Variants in RPA1 observed in about 807,000 individuals in gnomAD.
RPA1 encodes replication protein A 70 kDa DNA-binding subunit.
A neutral mutation model predicts 83.0 loss-of-function variants in RPA1; 49 were observed. The observed-to-expected ratio is 0.59, with a 90% confidence interval of 0.47 to 0.75. The LOEUF (loss-of-function observed/expected upper bound fraction) is 0.75, where lower values mean the gene tolerates loss of function less well. Among genes scored for constraint, RPA1 ranks in the 30% least tolerant of loss-of-function variants. The probability of loss-of-function intolerance (pLI) is 0.00; values close to 1 mark genes in which losing one functional copy is unlikely to be tolerated. For synonymous variants in RPA1, 279 were observed against 281.8 expected (o/e 0.99, Z 0.10); for missense variants, 693 against 776.1 (o/e 0.89, Z 1.27).
chr17:1,894,922 T>G, intron 15 of RPA1, 87 bp from the exon 16 acceptor site: 1 of 1,047,994 alleles, frequency 9.5e-7, no homozygotes, highest in Non-Finnish European at 1.4e-6. Context: ...AGGAGATGCA[T>G]TTTCAGAAGT....
chr17:1,875,138 C>T (rs34984518), intron 6 of RPA1, among the ~76,000 whole-genome samples: 2 of 152,206 alleles, frequency 1.3e-5, no homozygotes, highest in African/African-American at 4.8e-5. Flanking sequence ...GAAACTCATT[C>T]TTACAGACTT....
intron 5 of RPA1, among the ~76,000 whole-genome samples, chr17:1,862,974 T>C (rs1913041173): frequency 6.6e-6 from 1 of 151,916 alleles, no homozygotes; most frequent in Admixed American, 6.6e-5. Context: ...TGCCTCAGCC[T>C]CCCAAAGTGT....
At chr17:1,897,004 G>A (rs929130182) in intron 16 of RPA1, 67 bp from the exon 17 acceptor site, 4 of 1,372,148 alleles carry the variant, frequency 2.9e-6, no homozygotes, top group South Asian at 1.2e-5. Flanking sequence ...AACCACTGAA[G>A]CAAAAGGGGT....
chr17:1,875,551 A>G, intron 6 of RPA1, 110 bp from the exon 7 acceptor site: 1 of 1,162,684 alleles, frequency 8.6e-7, no homozygotes, highest in Non-Finnish European at 1.2e-6. Context: ...CTCTCATGTT[A>G]TATGATTTCA....
chr17:1,872,101 G>T, intron 5 of RPA1: 1 of 303,790 alleles, frequency 3.3e-6, no homozygotes, highest in South Asian at 4.4e-5. Flanking sequence ...TGGAAATAGT[G>T]GTAATGTCAC....
chr17:1,847,986 G>A (rs937161216), intron 4 of RPA1, among the ~76,000 whole-genome samples: 6 of 150,606 alleles, frequency 4.0e-5, no homozygotes. Flanking sequence ...CTCCAGCCTC[G>A]GTTACAGAGC....
intron 5 of RPA1, among the ~76,000 whole-genome samples, chr17:1,853,390 G>A (rs1297405796): frequency 6.6e-6 from 1 of 152,096 alleles, no homozygotes; most frequent in Non-Finnish European, 1.5e-5. Context: ...AGAAAGCAAT[G>A]GACAAACGGG....
chr17:1,887,869 G>A (rs1239116108), intron 13 of RPA1, among the ~76,000 whole-genome samples: 4 of 151,868 alleles, frequency 2.6e-5, no homozygotes, highest in Admixed American at 2.0e-4. Context: ...CCCCAGCCTG[G>A]GCGACAGAGC....
At chr17:1,839,532 G>A (rs191127171) in intron 1 of RPA1, among the ~76,000 whole-genome samples, 1,610 of 151,310 alleles carry the variant, frequency 0.011, 35 homozygotes, top group South Asian at 0.083. Flanking sequence ...CACTATGCTG[G>A]CTGGGCTAGT....
intron 1 of RPA1, among the ~76,000 whole-genome samples, chr17:1,834,219 T>A (rs1373636990): frequency 1.3e-5 from 2 of 152,134 alleles, no homozygotes; most frequent in Non-Finnish European, 2.9e-5. Context: ...TTAAATAATT[T>A]GATAAGTTTT....
At chr17:1,843,104 T>C (rs1912119927) in intron 2 of RPA1, among the ~76,000 whole-genome samples, 1 of 151,970 alleles carries the variant, frequency 6.6e-6, no homozygotes, top group Non-Finnish European at 1.5e-5. Flanking sequence ...TCCTCCCCAC[T>C]GTTGATAGAT....
intron 15 of RPA1, among the ~76,000 whole-genome samples, chr17:1,893,648 T>C (rs1204542329): frequency 6.6e-6 from 1 of 152,202 alleles, no homozygotes; most frequent in African/African-American, 2.4e-5. Flanking sequence ...ATACAAACTA[T>C]ATTCTCTAAT....
chr17:1,861,798 A>C (rs944597332), intron 5 of RPA1, among the ~76,000 whole-genome samples: 1 of 151,266 alleles, frequency 6.6e-6, no homozygotes, highest in Admixed American at 6.6e-5. Context: ...ATCTTGGCTC[A>C]CTGCAACCTC....
At chr17:1,879,126 GC>G in intron 9 of RPA1, 65 bp downstream of exon 9, 1 of 1,610,924 alleles carries the variant, frequency 6.2e-7, no homozygotes, top group Non-Finnish European at 8.5e-7. Flanking sequence ...AAAGACGCTG[GC>G]CCAGGGGAGG....
At chr17:1,855,633 G>C (rs1032546080) in intron 5 of RPA1, among the ~76,000 whole-genome samples, 1 of 152,152 alleles carries the variant, frequency 6.6e-6, no homozygotes. Context: ...GTATTCACGA[G>C]AGATATTTTT....
Position 1,876,411 on chromosome 17 carries a change from CA to C in RPA1, c.587+619del, listed in dbSNP as rs1913575528. ...CTCTACTAAAAATACAAAAATTAGC[CA>C]GGTGTTGTGGAGCACGCCTGTAATC... On this transcript the variant is annotated intron_variant, in intron 7 of 16. Coordinates refer to ENST00000254719, the MANE Select transcript of RPA1 (RefSeq NM_002945.5). Among the ~76,000 whole-genome samples the C allele has an allele frequency of 3.3e-5, 5 of 152,074 alleles. No individual in the cohort carries two copies. The South Asian group carries it at 1.0e-3, about 32-fold the overall frequency.
chr17:1,860,079 G>A (rs1313052590), intron 5 of RPA1, among the ~76,000 whole-genome samples: 2 of 152,178 alleles, frequency 1.3e-5, no homozygotes, highest in Admixed American at 1.3e-4. Context: ...CCAAAGTGCT[G>A]GGGTTAAAGG....
intron 13 of RPA1, among the ~76,000 whole-genome samples, chr17:1,887,827 T>TG (rs1321470773): frequency 1.3e-5 from 2 of 151,518 alleles, no homozygotes; most frequent in African/African-American, 4.9e-5. Flanking sequence ...AGGTGGAGGC[T>TG]GCAGTGATCA....
chr17:1,889,129 T>C (rs1231612677), intron 14 of RPA1, among the ~76,000 whole-genome samples: 2 of 152,218 alleles, frequency 1.3e-5, no homozygotes, highest in African/African-American at 4.8e-5. Context: ...ACGGCATTTA[T>C]AGACAGCACT....
Sources: allele counts gnomAD v4.1 joint callset (sites outside exome capture counted in the v4.1 genomes callset), GRCh38; gene constraint gnomAD v4.1.1; transcripts MANE v1.5; gene names NCBI Gene and HGNC (gene_info 2026-07-23, HGNC 2026-07-21).